The following MAP3K20 variants were observed in gnomAD, a reference collection of about 807,000 sequenced individuals.
The protein encoded by MAP3K20 is HCCS-4.
MAP3K20 carries 40 observed loss-of-function variants against 85.7 expected under a neutral mutation model. That is an observed-to-expected ratio of 0.47 (90% CI 0.36 to 0.61). MAP3K20 has a LOEUF of 0.61. Among genes scored for constraint, MAP3K20 ranks in the 20% least tolerant of loss-of-function variants. MAP3K20 has a pLI of 0.00. For missense variants in MAP3K20, 817 were observed against 961.7 expected, an observed-to-expected ratio of 0.85 and a Z score of 1.99; for synonymous variants, 325 against 327.7, an observed-to-expected ratio of 0.99 and a Z score of 0.09.
At chr2:173,265,577 C>G (rs1418060771) in intron 19 of MAP3K20, among the ~76,000 whole-genome samples, 1 of 152,182 alleles carries the variant, frequency 6.6e-6, no homozygotes, top group African/African-American at 2.4e-5. Flanking sequence ...TTTAAAAATG[C>G]AGGTGGCAAA....
At chr2:173,192,486 ACAT>A (rs1482694244) in intron 7 of MAP3K20, among the ~76,000 whole-genome samples, 2 of 152,214 alleles carry the variant, frequency 1.3e-5, no homozygotes, top group Non-Finnish European at 2.9e-5. Context: ...GGCAAGAGTA[ACAT>A]CAGGCTTAAT....
At chr2:173,241,244 G>A (rs1178519583) in intron 16 of MAP3K20, among the ~76,000 whole-genome samples, 2 of 152,106 alleles carry the variant, frequency 1.3e-5, no homozygotes, top group African/African-American at 4.8e-5. Context: ...TGGGATGTCC[G>A]TAACACAAAG....
intron 10 of MAP3K20, among the ~76,000 whole-genome samples, chr2:173,214,959 G>T (rs1684026156): frequency 6.6e-6 from 1 of 152,172 alleles, no homozygotes; most frequent in Non-Finnish European, 1.5e-5. Context: ...TGGGAGTGCT[G>T]TTGGAAAGCT....
At chr2:173,120,096 A>G (rs1346974117) in intron 2 of MAP3K20, among the ~76,000 whole-genome samples, 4 of 152,178 alleles carry the variant, frequency 2.6e-5, no homozygotes, top group Non-Finnish European at 4.4e-5. Flanking sequence ...ATGTAATACA[A>G]TTATCTTTTA....
chr2:173,133,622 C>T lies in MAP3K20; in HGVS notation c.160-36183C>T, dbSNP rs546347246. Among the ~76,000 whole-genome samples, 384 of 152,250 alleles carry T rather than the reference C, an allele frequency of 2.5e-3. 2 individuals carry two copies. The highest frequency in any genetic ancestry group is 3.8e-3 in the Non-Finnish European group (260 of 68,020). On this transcript the variant is annotated intron_variant, in intron 2 of 19. Coordinates refer to ENST00000375213, the MANE Select transcript of MAP3K20 (RefSeq NM_016653.3). ...ACCAACCTTTCTAATTTTGGCTGTG[C>T]TTCAAAATGACGTGGTGGGCTTGTT...
At chr2:173,209,865 T>C in intron 10 of MAP3K20, 30 bp downstream of exon 10, 3 of 1,583,530 alleles carry the variant, frequency 1.9e-6, no homozygotes, top group Non-Finnish European at 2.6e-6. Flanking sequence ...GGCCACAGCG[T>C]CTGGCTTTCA....
chr2:173,190,134 C>G (rs1690604616), intron 5 of MAP3K20, among the ~76,000 whole-genome samples: 1 of 152,140 alleles, frequency 6.6e-6, no homozygotes, highest in Non-Finnish European at 1.5e-5. Context: ...TCTCTTCTGC[C>G]TAGGAAACTA....
At chr2:173,121,025 T>C (rs1026300601) in intron 2 of MAP3K20, among the ~76,000 whole-genome samples, 1 of 152,172 alleles carries the variant, frequency 6.6e-6, no homozygotes, top group African/African-American at 2.4e-5. Context: ...CTCTCACTTC[T>C]ATTCCTTGAT....
chr2:173,207,228 C>T (rs776551102), intron 9 of MAP3K20, among the ~76,000 whole-genome samples: 1 of 152,166 alleles, frequency 6.6e-6, no homozygotes, highest in Non-Finnish European at 1.5e-5. Context: ...TGCAGTGGCT[C>T]ACGTCTGTAA....
chr2:173,237,130 G>C (rs945315176), intron 14 of MAP3K20, among the ~76,000 whole-genome samples: 1 of 146,140 alleles, frequency 6.8e-6, no homozygotes, highest in Admixed American at 7.1e-5. Flanking sequence ...GGATTCAAGC[G>C]ATTCTCCTGC....
At chr2:173,250,552 C>G (rs1685019084) in intron 16 of MAP3K20, among the ~76,000 whole-genome samples, 1 of 152,176 alleles carries the variant, frequency 6.6e-6, no homozygotes, top group South Asian at 2.1e-4. Flanking sequence ...ATCTCAAAGA[C>G]AATATAATGC....
At chr2:173,164,879 A>G (rs1368851559) in intron 2 of MAP3K20, among the ~76,000 whole-genome samples, 2 of 152,190 alleles carry the variant, frequency 1.3e-5, no homozygotes, top group Non-Finnish European at 2.9e-5. Flanking sequence ...AACTTATAGA[A>G]ATGCCGATAA....
At chr2:173,221,619 G>T (rs753946811) in intron 11 of MAP3K20, 7 of 1,364,590 alleles carry the variant, frequency 5.1e-6, no homozygotes, top group Non-Finnish European at 6.7e-6. Flanking sequence ...CAGTAAGGAG[G>T]CAGAAAGCCA....
At chr2:173,148,651 C>T (rs1445673370) in intron 2 of MAP3K20, among the ~76,000 whole-genome samples, 1 of 152,188 alleles carries the variant, frequency 6.6e-6, no homozygotes, top group Non-Finnish European at 1.5e-5. Flanking sequence ...TGCCTCCTTC[C>T]ACCCCAGGTC....
intron 14 of MAP3K20, among the ~76,000 whole-genome samples, chr2:173,233,571 C>A (rs1327968815): frequency 6.6e-6 from 1 of 152,072 alleles, no homozygotes; most frequent in Non-Finnish European, 1.5e-5. Flanking sequence ...CCAAACCCAC[C>A]CCCCATTCCA....
intron 9 of MAP3K20, among the ~76,000 whole-genome samples, chr2:173,208,840 G>C (rs181902610): frequency 1.3e-5 from 2 of 152,314 alleles, no homozygotes; most frequent in East Asian, 1.9e-4. Context: ...ATGATGAAGA[G>C]AGAATGTGCA....
chr2:173,253,985 C>T (rs1222481226), intron 16 of MAP3K20, among the ~76,000 whole-genome samples: 2 of 150,892 alleles, frequency 1.3e-5, no homozygotes, highest in East Asian at 2.0e-4. Context: ...GTGGGAAGAT[C>T]GCTTGAGCCC....
intron 14 of MAP3K20, among the ~76,000 whole-genome samples, chr2:173,235,383 C>T (rs1367430968): frequency 6.6e-6 from 1 of 152,194 alleles, no homozygotes; most frequent in Non-Finnish European, 1.5e-5. Context: ...TGTTATCCCC[C>T]ACCTGGGACC....
intron 8 of MAP3K20, among the ~76,000 whole-genome samples, chr2:173,203,577 C>T (rs924395009): frequency 2.0e-5 from 3 of 152,098 alleles, no homozygotes; most frequent in African/African-American, 4.8e-5. Flanking sequence ...CTGACTTCTC[C>T]GTTCACTACA....
Sources: allele counts gnomAD v4.1 joint callset (sites outside exome capture counted in the v4.1 genomes callset), GRCh38; gene constraint gnomAD v4.1.1; transcripts MANE v1.5; gene names NCBI Gene and HGNC (gene_info 2026-07-23, HGNC 2026-07-21).